Variants in BANK1 observed in about 807,000 individuals in gnomAD.
BANK1 encodes B cell scaffold protein with ankyrin repeats 1.
Under a neutral mutation model 94.5 loss-of-function variants are expected in BANK1, and 95 were observed. That is an observed-to-expected ratio of 1.00 (90% confidence interval 0.85 to 1.19). BANK1 has a LOEUF of 1.19. Ranked by LOEUF, BANK1 falls within the 50% of genes most tolerant of loss-of-function variation. The pLI is 0.00. For missense variants in BANK1, 987 were observed against 932.2 expected (o/e 1.06, Z -0.77); for synonymous variants, 334 against 308.4 (o/e 1.08, Z -0.87).
chr4:101,868,739 G>A (rs951371303), intron 4 of BANK1, among the ~76,000 whole-genome samples: 5 of 151,892 alleles, frequency 3.3e-5, no homozygotes, highest in Admixed American at 2.6e-4. Flanking sequence ...GTTAAATAAT[G>A]TGGAAGCAGA....
intron 6 of BANK1, among the ~76,000 whole-genome samples, chr4:101,901,205 T>C (rs552248809): frequency 6.6e-6 from 1 of 152,310 alleles, no homozygotes; most frequent in Admixed American, 6.5e-5. Context: ...TCAGTACCAA[T>C]AGGTATTATT....
intron 7 of BANK1, among the ~76,000 whole-genome samples, chr4:101,921,741 A>C (rs1029240484): frequency 6.6e-6 from 1 of 151,760 alleles, no homozygotes; most frequent in Non-Finnish European, 1.5e-5. Context: ...TTTTCCTTCC[A>C]CCACTGTGTT....
chr4:101,815,770 T>C (rs553951678), intron 1 of BANK1, among the ~76,000 whole-genome samples: 1 of 145,544 alleles, frequency 6.9e-6, no homozygotes, highest in East Asian at 2.0e-4. Flanking sequence ...TGATTTTTAC[T>C]AATTTTTGTC....
intron 5 of BANK1, among the ~76,000 whole-genome samples, chr4:101,881,572 C>T (rs767756154): frequency 6.6e-6 from 1 of 152,098 alleles, no homozygotes; most frequent in Non-Finnish European, 1.5e-5. Context: ...TGGGTATATA[C>T]CCAAAAGAAA....
rs191284718 is a variant in BANK1, at chr4:102,048,255, C to G, written c.1969+4348C>G. 5.0e-3 allele frequency among the ~76,000 whole-genome samples: 767 copies of G among 152,168 alleles called. 7 individuals are homozygous for G. The highest frequency in any genetic ancestry group is 6.1e-3 in the Non-Finnish European group (418 of 67,978). On this transcript the variant is annotated intron_variant, in intron 11 of 16. Coordinates refer to ENST00000322953, the MANE Select transcript of BANK1 (RefSeq NM_017935.5). ...TGTAAGGACTAAGGAAACATCAATC[C>G]TTATCAAATGTTTCTTTAAAAACCT...
chr4:101,852,907 A>G (rs558397747), intron 2 of BANK1, among the ~76,000 whole-genome samples: 3 of 152,144 alleles, frequency 2.0e-5, no homozygotes, highest in Non-Finnish European at 4.4e-5. Flanking sequence ...AATCCTGGAT[A>G]CTGCCATGGT....
At chr4:102,045,385 C>G (rs1034247109) in intron 11 of BANK1, among the ~76,000 whole-genome samples, 2 of 152,106 alleles carry the variant, frequency 1.3e-5, no homozygotes, top group African/African-American at 2.4e-5. Flanking sequence ...TGGCACAAGA[C>G]AGGGATGCCC....
chr4:101,987,598 A>G lies in BANK1; in HGVS notation c.1207-33916A>G, dbSNP rs1486573. On this transcript the variant is annotated intron_variant, in intron 7 of 16. Coordinates refer to ENST00000322953, the MANE Select transcript of BANK1 (RefSeq NM_017935.5). ...TCCTCAACAACCTTGGCAGGAGTGT[A>G]TCTTTGTATGATCAGTCCATGCCAC... Among the ~76,000 whole-genome samples, 710 of 152,310 alleles carry G rather than the reference A, an allele frequency of 4.7e-3. 13 individuals carry two copies. The East Asian group carries it at 0.057, about 12-fold the overall frequency.
At chr4:101,818,339 A>G (rs934419254) in intron 1 of BANK1, among the ~76,000 whole-genome samples, 2 of 152,212 alleles carry the variant, frequency 1.3e-5, no homozygotes, top group Admixed American at 6.5e-5. Context: ...CAGTAAATAT[A>G]TCATCTGTGG....
In BANK1 at chr4:102,030,187, A is replaced by G. The variant is rs1727244747; in HGVS notation, c.1822A>G (p.Ile608Val). Residue 608 changes from isoleucine to valine, a missense_variant, in exon 10 of 17, where the codon ATA (isoleucine) becomes GTA (valine). Coordinates refer to ENST00000322953, the MANE Select transcript of BANK1 (RefSeq NM_017935.5). ...AAAAACTGGGAGTCGGTCTTTCATT[A>G]TAAATAGACCTCCTGCCCCCACACC... is the stretch of plus-strand genomic sequence containing the variant. ...KKKTGSRSFI[I>V]NRPPAPTPRP... 1 of 1,613,956 alleles carries G rather than the reference A, an allele frequency of 6.2e-7. No homozygotes were observed. The highest frequency in any genetic ancestry group is 1.1e-5 in the South Asian group (1 of 91,062).
intron 7 of BANK1, among the ~76,000 whole-genome samples, chr4:102,014,589 A>G (rs1007826129): frequency 9.9e-5 from 15 of 152,280 alleles, no homozygotes; most frequent in Non-Finnish European, 1.8e-4. Flanking sequence ...TTAAAGGACT[A>G]TAATTTCTTC....
intron 5 of BANK1, among the ~76,000 whole-genome samples, chr4:101,894,039 A>G (rs970349412): frequency 4.6e-5 from 7 of 151,994 alleles, no homozygotes; most frequent in African/African-American, 9.7e-5. Context: ...GGTCATCTCA[A>G]TTTGGAGCAT....
intron 9 of BANK1, among the ~76,000 whole-genome samples, chr4:102,027,926 G>C (rs1727158740): frequency 2.0e-5 from 3 of 152,044 alleles, no homozygotes; most frequent in Admixed American, 2.0e-4. Flanking sequence ...AGGCTATTAG[G>C]ATTTTTCTCT....
At chr4:101,846,259 G>A (rs1348309804) in intron 2 of BANK1, among the ~76,000 whole-genome samples, 1 of 152,184 alleles carries the variant, frequency 6.6e-6, no homozygotes, top group African/African-American at 2.4e-5. Context: ...AAAATGATGA[G>A]TTCATGTCCT....
rs1167255624 is a variant in BANK1, at chr4:101,807,732, A to G, written c.70+16782A>G. Among the ~76,000 whole-genome samples the G allele has an allele frequency of 2.0e-5, 3 of 152,226 alleles. No homozygotes were observed. The East Asian group carries it at 5.8e-4, about 29-fold the overall frequency. ...GTTACAAGCAGGAAATCTAGGCACA[A>G]CAAGGTTCATTATTTGCTTCAGGCC... is the stretch of plus-strand genomic sequence containing the variant. On this transcript the variant is annotated intron_variant, in intron 1 of 16. Coordinates refer to ENST00000322953, the MANE Select transcript of BANK1 (RefSeq NM_017935.5).
chr4:102,056,514 GC>G (rs1728233154), intron 11 of BANK1, among the ~76,000 whole-genome samples: 1 of 151,838 alleles, frequency 6.6e-6, no homozygotes, highest in Non-Finnish European at 1.5e-5. Flanking sequence ...AGAGAAAAGA[GC>G]AGGAACTATG....
At chr4:101,813,772 G>C (rs951061201) in intron 1 of BANK1, 1 of 643,284 alleles carries the variant, frequency 1.6e-6, no homozygotes, top group Non-Finnish European at 1.9e-6. Context: ...GGAGGCCTTG[G>C]GGAGCTTCTG....
intron 13 of BANK1, among the ~76,000 whole-genome samples, chr4:102,070,337 G>A (rs1278734027): frequency 6.6e-6 from 1 of 152,148 alleles, no homozygotes; most frequent in African/African-American, 2.4e-5. Context: ...CACTTGGGAA[G>A]TGAGCATGCG....
chr4:101,993,668 G>A (rs185898700), intron 7 of BANK1, among the ~76,000 whole-genome samples: 3 of 152,246 alleles, frequency 2.0e-5, no homozygotes, highest in East Asian at 1.9e-4. Context: ...TAATCTAATA[G>A]AGAGAAGAAA....
Sources: gnomAD v4.1 joint callset for allele counts (sites outside exome capture counted in the v4.1 genomes callset) on GRCh38, gnomAD v4.1.1 for gene constraint, MANE v1.5 for transcripts, NCBI Gene and HGNC (gene_info 2026-07-23, HGNC 2026-07-21) for gene names.